PSPH: variants seen among roughly 807,000 people sequenced by gnomAD.
PSPH encodes phosphoserine phosphatase.
Under a neutral mutation model 23.4 loss-of-function variants are expected in PSPH, and 16 were observed. That is an observed-to-expected ratio of 0.68 (90% CI 0.46 to 1.04). PSPH has a LOEUF of 1.04. PSPH is among the 50% of genes least tolerant of loss of function. The pLI, the probability that PSPH is intolerant of heterozygous loss-of-function variation, is 0.00. For missense variants in PSPH, 223 were observed against 273.7 expected (o/e 0.81, Z 1.31); for synonymous variants, 68 against 99.7 (o/e 0.68, Z 1.89).
intron 3 of PSPH, among the ~76,000 whole-genome samples, chr7:56,029,451 C>A (rs1278220578): frequency 6.6e-6 from 1 of 150,398 alleles, no homozygotes; most frequent in African/African-American, 2.5e-5. Flanking sequence ...CCTGGCTGGC[C>A]CCAGCTAGTT....
At chr7:56,045,216 G>C (rs1260557275) in intron 1 of PSPH, among the ~76,000 whole-genome samples, 1 of 152,048 alleles carries the variant, frequency 6.6e-6, no homozygotes, top group Non-Finnish European at 1.5e-5. Flanking sequence ...GATGAAAGCA[G>C]AAAATTGGCC....
At chr7:56,021,365 T>A in intron 3 of PSPH, 134 bp from the exon 4 acceptor site, 1 of 658,850 alleles carries the variant, frequency 1.5e-6, no homozygotes, top group African/African-American at 5.7e-5. Context: ...CAGATTCATT[T>A]TTTTTTCCTT....
Position 56,024,333 on chromosome 7 carries a change from T to C in PSPH, c.-19-3102A>G, listed in dbSNP as rs544571762. Among the ~76,000 whole-genome samples the C allele has an allele frequency of 8.0e-5, 12 of 150,900 alleles. No individual in the cohort carries two copies. The East Asian group carries it at 2.2e-3, about 27-fold the overall frequency. On this transcript the variant is annotated intron_variant, in intron 3 of 7. Transcript: ENST00000275605. ...CTCAAGTGAACCTTCCATCATGGCC[T>C]CTTGAGTAGCTGGGACTACAGGTGT... is the stretch of plus-strand genomic sequence containing the variant.
At chr7:56,015,858 A>G (rs555541410) in intron 6 of PSPH, among the ~76,000 whole-genome samples, 4 of 151,668 alleles carry the variant, frequency 2.6e-5, no homozygotes, top group Admixed American at 1.3e-4. Flanking sequence ...GGGTTTTGCC[A>G]CATTGGCCAG....
chr7:56,024,955 C>T (rs779365406), intron 3 of PSPH, among the ~76,000 whole-genome samples: 27 of 151,596 alleles, frequency 1.8e-4, no homozygotes, highest in Non-Finnish European at 3.7e-4. Flanking sequence ...AGGTGCATGC[C>T]ACCACGCCCA....
intron 2 of PSPH, chr7:56,033,292 G>C (rs1430916954): frequency 6.6e-6 from 1 of 151,966 alleles, no homozygotes; most frequent in Non-Finnish European, 1.5e-5. Flanking sequence ...GAGGCCAGGA[G>C]TTTGAGACCA....
Position 56,047,371 on chromosome 7 carries a change from AG to A in PSPH, c.-292+3766del, listed in dbSNP as rs977521100. Among the ~76,000 whole-genome samples, 58 of 151,750 alleles carry A rather than the reference AG, an allele frequency of 3.8e-4. 1 individual carries two copies. Among genetic ancestry groups the A allele is most frequent in the African/African-American group, 1.4e-3 (56 of 41,378 alleles). ...GCTACTGCACTCCAGCCTGGGCGACAGGGTGAGACCCTGTCTCAAAAAAAAA... is the reference window on the plus strand; with the variant it reads ...GCTACTGCACTCCAGCCTGGGCGACAGGTGAGACCCTGTCTCAAAAAAAAA... On this transcript the variant is annotated intron_variant, in intron 1 of 7. Transcript: ENST00000275605.
intron 1 of PSPH, among the ~76,000 whole-genome samples, chr7:56,048,505 T>C (rs1175797052): frequency 1.3e-5 from 2 of 152,120 alleles, no homozygotes; most frequent in South Asian, 2.1e-4. Flanking sequence ...ATGACATAAT[T>C]AGCAAAATTT....
intron 1 of PSPH, chr7:56,043,145 T>C (rs1219147064): frequency 6.6e-6 from 1 of 151,876 alleles, no homozygotes; most frequent in Non-Finnish European, 1.5e-5. Flanking sequence ...AGGTGGTGCA[T>C]ACCTGTAATC....
At position 56,021,064 on chromosome 7, in the gene PSPH, T is replaced by C. The variant is rs995254928; in HGVS notation, c.140+9A>G. The C allele has an allele frequency of 2.5e-6, 4 of 1,611,206 alleles. No homozygotes were observed. The highest frequency in any genetic ancestry group is 1.4e-5 in the African/African-American group (1 of 73,274). Reference sequence around the variant, plus strand: ...ATCATTTCATAAAGTGAATAAATGCTATCCCTACATTTCTGACACCGCGTC... The same window carrying C: ...ATCATTTCATAAAGTGAATAAATGCCATCCCTACATTTCTGACACCGCGTC... On this transcript the variant is annotated intron_variant, in intron 4 of 7. Transcript: ENST00000275605.
chr7:56,019,418 GAC>G (rs1789006953), intron 5 of PSPH, among the ~76,000 whole-genome samples, 180 bp downstream of exon 5: 1 of 142,152 alleles, frequency 7.0e-6, no homozygotes, highest in African/African-American at 2.7e-5. Context: ...CAGCCTGAGT[GAC>G]AGAGTGAGAC....
chr7:56,049,489 A>G (rs1437064930), intron 1 of PSPH, among the ~76,000 whole-genome samples: 2 of 152,136 alleles, frequency 1.3e-5, no homozygotes, highest in South Asian at 4.1e-4. Context: ...CCCAGGCTGG[A>G]GTGCAGTAAT....
At chr7:56,019,245 G>T (rs568684666) in intron 5 of PSPH, among the ~76,000 whole-genome samples, 5 of 152,134 alleles carry the variant, frequency 3.3e-5, no homozygotes, top group East Asian at 3.9e-4. Flanking sequence ...AGTTCAAGCA[G>T]TGTGGTCAAC....
At chr7:56,042,218 CA>C (rs34436132) in intron 1 of PSPH, among the ~76,000 whole-genome samples, 6,871 of 66,394 alleles carry the variant, frequency 0.1, 171 homozygotes, top group East Asian at 0.3. Context: ...GATTCTGTCT[CA>C]AAAAAAAAAA....
intron 3 of PSPH, among the ~76,000 whole-genome samples, chr7:56,029,978 C>CAA (rs1181658808): frequency 3.7e-5 from 2 of 53,408 alleles, no homozygotes. Context: ...GACTCCATCT[C>CAA]AAAAAAAAAA....
At chr7:56,036,486 G>A (rs1053641606) in intron 1 of PSPH, among the ~76,000 whole-genome samples, 8 of 151,918 alleles carry the variant, frequency 5.3e-5, no homozygotes, top group African/African-American at 1.7e-4. Context: ...AAATCTGGCT[G>A]GGTGTGGTGG....
chr7:56,021,324 A>C, intron 3 of PSPH, 93 bp from the exon 4 acceptor site: 2 of 1,279,656 alleles, frequency 1.6e-6, no homozygotes. Context: ...TTTGTGTCAA[A>C]GTCAGTGCAG....
intron 1 of PSPH, among the ~76,000 whole-genome samples, chr7:56,043,626 G>A (rs1367518083): frequency 6.6e-6 from 1 of 151,748 alleles, no homozygotes; most frequent in East Asian, 1.9e-4. Context: ...AGACCAGCCT[G>A]GGCAACATGA....
intron 2 of PSPH, among the ~76,000 whole-genome samples, chr7:56,032,518 G>A (rs1172770927): frequency 6.6e-6 from 1 of 151,920 alleles, no homozygotes; most frequent in Non-Finnish European, 1.5e-5. Context: ...AATTTAGCCA[G>A]GCATGCTACT....
Sources: gnomAD v4.1 joint callset for allele counts (sites outside exome capture counted in the v4.1 genomes callset) on GRCh38, gnomAD v4.1.1 for gene constraint, MANE v1.5 for transcripts, NCBI Gene and HGNC (gene_info 2026-07-23, HGNC 2026-07-21) for gene names.